Variants in ATP8A2 observed in about 807,000 individuals in gnomAD.
ATP8A2 encodes the protein ATPase phospholipid transporting 8A2, also known as phospholipid-transporting ATPase IB.
A neutral mutation model predicts 165.6 loss-of-function variants in ATP8A2; 100 were observed. That is an observed-to-expected ratio of 0.60 (90% confidence interval 0.51 to 0.71). ATP8A2 has a LOEUF of 0.71. Ranked by LOEUF, ATP8A2 falls within the 30% of genes least tolerant of loss-of-function variation. The pLI, the probability that ATP8A2 is intolerant of heterozygous loss-of-function variation, is 0.00. For missense variants in ATP8A2, 1,227 were observed against 1,479.5 expected (o/e 0.83, Z 2.80); for synonymous variants, 543 against 548.8 (o/e 0.99, Z 0.15).
At chr13:25,705,549 T>C (rs2043039187) in intron 25 of ATP8A2, among the ~76,000 whole-genome samples, 1 of 152,204 alleles carries the variant, frequency 6.6e-6, no homozygotes, top group Admixed American at 6.5e-5. Context: ...GATTCAAAGA[T>C]AAACATGTAT....
intron 2 of ATP8A2, among the ~76,000 whole-genome samples, chr13:25,509,685 C>A (rs1181047159): frequency 2.0e-5 from 3 of 152,048 alleles, no homozygotes; most frequent in East Asian, 3.9e-4. Flanking sequence ...ATGTTGTATA[C>A]AAATTGCATC....
intron 36 of ATP8A2, among the ~76,000 whole-genome samples, chr13:26,015,048 G>T (rs983498711): frequency 6.6e-6 from 1 of 152,112 alleles, no homozygotes. Flanking sequence ...TGTGATCAAA[G>T]ACCGAATGAG....
chr13:25,859,669 C>T (rs1423189353), intron 30 of ATP8A2, among the ~76,000 whole-genome samples: 2 of 152,110 alleles, frequency 1.3e-5, no homozygotes, highest in African/African-American at 2.4e-5. Flanking sequence ...TGATAGACTC[C>T]GGAAGCTCAT....
chr13:25,596,218 T>C (rs2040232781), intron 24 of ATP8A2, among the ~76,000 whole-genome samples: 1 of 152,202 alleles, frequency 6.6e-6, no homozygotes, highest in Non-Finnish European at 1.5e-5. Context: ...TATATTTCAG[T>C]AGCTGCTTGA....
chr13:25,550,456 A>G (rs927206898), intron 10 of ATP8A2, among the ~76,000 whole-genome samples: 2 of 152,140 alleles, frequency 1.3e-5, no homozygotes, highest in Admixed American at 1.3e-4. Flanking sequence ...TGTCTTTCTC[A>G]AACAGTTGTG....
rs116067746 is a variant in ATP8A2, at chr13:25,530,930, T to G, written c.420+270T>G. On this transcript the variant is annotated intron_variant, in intron 4 of 36. Coordinates refer to ENST00000381655, the MANE Select transcript of ATP8A2 (RefSeq NM_016529.6). ...TCACTGATGTTCCTTATAGCCTGCT[T>G]TAGAGCTTGCTAATTTGGGCAGCAA... Among the ~76,000 whole-genome samples, 488 of 152,098 alleles carry G rather than the reference T, an allele frequency of 3.2e-3. 5 individuals are homozygous for G. Among genetic ancestry groups the G allele is most frequent in the African/African-American group, 0.011 (464 of 41,508 alleles).
intron 4 of ATP8A2, among the ~76,000 whole-genome samples, chr13:25,531,271 G>GTTATATATGAT (rs1566229268): frequency 2.0e-5 from 2 of 98,996 alleles, no homozygotes; most frequent in African/African-American, 8.3e-5. Context: ...TGATATATAT[G>GTTATATATGAT]ATATATATGT....
At chr13:25,731,090 GAGAA>G (rs1032141841) in intron 25 of ATP8A2, among the ~76,000 whole-genome samples, 3 of 145,554 alleles carry the variant, frequency 2.1e-5, no homozygotes, top group African/African-American at 7.6e-5. Flanking sequence ...GAAAAGAAAG[GAGAA>G]AGAAAGAGAG....
chr13:25,476,492 AT>A (rs2036000664), intron 2 of ATP8A2, among the ~76,000 whole-genome samples: 1 of 152,098 alleles, frequency 6.6e-6, no homozygotes, highest in Non-Finnish European at 1.5e-5. Context: ...GTTTCACCAC[AT>A]GGGCCAGGCT....
At chr13:25,649,604 T>C (rs7990395) in intron 24 of ATP8A2, among the ~76,000 whole-genome samples, 13,971 of 152,238 alleles carry the variant, frequency 0.092, 693 homozygotes, top group Non-Finnish European at 0.12. Context: ...GTTTGCTGCA[T>C]TGGTTGTCTC....
chr13:25,618,851 G>C (rs981962350), intron 24 of ATP8A2, among the ~76,000 whole-genome samples: 3 of 151,822 alleles, frequency 2.0e-5, no homozygotes, highest in Non-Finnish European at 4.4e-5. Context: ...TCAGTTCTTG[G>C]GTGGTGGAAA....
At chr13:25,723,678 AGAG>A (rs146097587) in intron 25 of ATP8A2, among the ~76,000 whole-genome samples, 2,845 of 152,084 alleles carry the variant, frequency 0.019, 80 homozygotes, top group African/African-American at 0.064. Flanking sequence ...AAAATGGGAG[AGAG>A]GAGTTTGCTT....
chr13:25,994,219 C>T (rs1385091438), intron 35 of ATP8A2, among the ~76,000 whole-genome samples: 1 of 151,864 alleles, frequency 6.6e-6, no homozygotes, highest in Non-Finnish European at 1.5e-5. Context: ...CTTATTAGTA[C>T]TAGGAGTTTT....
intron 35 of ATP8A2, 43 bp from the exon 36 acceptor site, chr13:26,012,488 G>C: frequency 1.4e-6 from 2 of 1,469,418 alleles, no homozygotes; most frequent in South Asian, 1.2e-5. Context: ...TGCAACCCGA[G>C]TGTTCAGGTG....
At chr13:25,566,178 G>A (rs2039307874) in intron 16 of ATP8A2, among the ~76,000 whole-genome samples, 1 of 152,088 alleles carries the variant, frequency 6.6e-6, no homozygotes, top group African/African-American at 2.4e-5. Flanking sequence ...AGGCTGTGAT[G>A]CTGCTATTCC....
At chr13:25,638,198 A>G (rs9511844) in intron 24 of ATP8A2, among the ~76,000 whole-genome samples, 150,669 of 152,306 alleles carry the variant, frequency 0.99, 74,538 homozygotes, top group East Asian at 1. Context: ...AAATAAGAGC[A>G]CCTCTCCCCC....
intron 19 of ATP8A2, among the ~76,000 whole-genome samples, chr13:25,575,726 C>T (rs965304531): frequency 2.0e-5 from 3 of 152,104 alleles, no homozygotes; most frequent in Non-Finnish European, 4.4e-5. Flanking sequence ...TGGCTGATTA[C>T]GGTGGTGGCT....
intron 24 of ATP8A2, among the ~76,000 whole-genome samples, chr13:25,624,603 A>G (rs1390155999): frequency 6.6e-6 from 1 of 152,192 alleles, no homozygotes; most frequent in Non-Finnish European, 1.5e-5. Flanking sequence ...CCAAGCACAA[A>G]TTACAGTATT....
At chr13:25,730,641 A>G (rs1437226502) in intron 25 of ATP8A2, among the ~76,000 whole-genome samples, 2 of 152,148 alleles carry the variant, frequency 1.3e-5, no homozygotes. Context: ...ATAATTTTTC[A>G]TGTATAATAG....
Sources: gnomAD v4.1 joint callset for allele counts (sites outside exome capture counted in the v4.1 genomes callset) on GRCh38, gnomAD v4.1.1 for gene constraint, MANE v1.5 for transcripts, NCBI Gene and HGNC (gene_info 2026-07-23, HGNC 2026-07-21) for gene names.